Variants in ARHGAP9 observed in about 807,000 individuals in gnomAD.
ARHGAP9 encodes the protein rho GTPase-activating protein 9.
ARHGAP9 carries 76 observed loss-of-function variants against 87.3 expected under a neutral mutation model. The ratio of observed to expected loss-of-function variants is 0.87; its 90% confidence interval spans 0.72 to 1.05. The LOEUF (loss-of-function observed/expected upper bound fraction) is 1.05. ARHGAP9 is among the 50% of genes least tolerant of loss of function. ARHGAP9 has a pLI of 0.00. For missense variants in ARHGAP9, 941 were observed against 960.5 expected (o/e 0.98, Z 0.27); for synonymous variants, 382 against 394.9 (o/e 0.97, Z 0.39).
chr12:57,483,500 T>A (rs1162128506), upstream of ARHGAP9, among the ~76,000 whole-genome samples: 1 of 152,206 alleles, frequency 6.6e-6, no homozygotes, highest in Non-Finnish European at 1.5e-5. Context: ...CTCTCCTGAC[T>A]TAGACTTTCC....
In ARHGAP9 at chr12:57,477,607, G is replaced by T. The variant is rs745986363; in HGVS notation, c.608C>A (p.Ser203Tyr). 2.5e-6 allele frequency: 4 copies of T among 1,613,198 alleles called. No homozygotes were observed. The African/African-American group carries it at 5.3e-5, about 22-fold the overall frequency. The change falls in exon 4 of 18, where the codon TCC becomes TAC. Residue 203 changes from serine (S) to tyrosine (Y), a missense_variant. Physicochemically the swap from Ser to Tyr is moderately radical, Grantham distance 144 (BLOSUM62 -2). Transcript: ENST00000393791. ...GGGGCATGCAGGGCCTGGGGGTGGG[G>T]ACCGAGGACAGCGGCGAAGGTCCAC... ...NLVDLRRCPR[S>Y]PPPGPACPLL...
upstream of ARHGAP9, among the ~76,000 whole-genome samples, chr12:57,483,273 C>A (rs1875161778): frequency 6.6e-6 from 1 of 152,176 alleles, no homozygotes; most frequent in Non-Finnish European, 1.5e-5. Context: ...TTCCTCGCCA[C>A]CCACATTGAT....
chr12:57,487,864 A>G, intron 1 of ARHGAP9: 1 of 476,672 alleles, frequency 2.1e-6, no homozygotes, highest in Non-Finnish European at 3.8e-6. Context: ...AAAAAAAAAA[A>G]AAAAAAAAAA....
At chr12:57,482,440 C>T (rs1239443103), upstream of ARHGAP9, among the ~76,000 whole-genome samples, 2 of 152,078 alleles carry the variant, frequency 1.3e-5, no homozygotes, top group Admixed American at 6.6e-5. Context: ...CGGGGTTTCA[C>T]TGTGTTAGCC....
intron 17 of ARHGAP9, 44 bp from the exon 18 acceptor site, chr12:57,472,732 C>T (rs1220160577): frequency 6.9e-6 from 11 of 1,599,778 alleles, no homozygotes; most frequent in Non-Finnish European, 8.6e-6. Context: ...CAGCAGCTTG[C>T]CACTTCATAG....
intron 2 of ARHGAP9, 26 bp from the exon 3 acceptor site, chr12:57,478,783 G>A (rs997507594): frequency 6.3e-7 from 1 of 1,586,096 alleles, no homozygotes; most frequent in Admixed American, 1.8e-5. Context: ...GGGAGGGTGG[G>A]TGGCAGGTGA....
At chr12:57,480,749 TA>T (rs1184189753), upstream of ARHGAP9, 4 of 1,547,580 alleles carry the variant, frequency 2.6e-6, no homozygotes, top group African/African-American at 5.5e-5. Context: ...ACCAGCACTT[TA>T]AAACCCACAC....
chr12:57,483,565 CA>C, upstream of ARHGAP9, among the ~76,000 whole-genome samples: 1 of 152,320 alleles, frequency 6.6e-6, no homozygotes. Context: ...CAGTCTCCAC[CA>C]CAAACTCCAC....
rs111434091 is a variant in ARHGAP9 at position 57,472,473 on chromosome 12, C to T, written c.*44G>A. On this transcript the variant is annotated 3_prime_UTR_variant, in exon 18 of 18. Coordinates refer to ENST00000393791, the MANE Select transcript of ARHGAP9 (RefSeq NM_032496.4). Reference sequence around the variant, plus strand: ...AAAACAGAACACCAGCCTCTCACCACCAGAGATGACCGGAAATATGTTTTC... The same window carrying T: ...AAAACAGAACACCAGCCTCTCACCATCAGAGATGACCGGAAATATGTTTTC... The T allele has an allele frequency of 4.4e-6, 7 of 1,598,472 alleles. No homozygotes were observed. Among genetic ancestry groups the T allele is most frequent in the Non-Finnish European group, 6.0e-6 (7 of 1,171,514 alleles).
At chr12:57,487,101 C>T (rs558705679) in intron 1 of ARHGAP9, among the ~76,000 whole-genome samples, 5 of 151,726 alleles carry the variant, frequency 3.3e-5, no homozygotes, top group African/African-American at 9.7e-5. Flanking sequence ...CCTCAGTCTC[C>T]CGGGTAGCTG....
At chr12:57,478,061 C>G in intron 3 of ARHGAP9, 1 of 782,820 alleles carries the variant, frequency 1.3e-6, no homozygotes, top group Non-Finnish European at 1.7e-6. Flanking sequence ...AGAGGAGCCC[C>G]TTTCCACCCA....
rs142371581 is a variant in ARHGAP9 at position 57,478,754 on chromosome 12, G to A, written c.320C>T (p.Pro107Leu). Reference sequence around the variant, plus strand: ...CTCCAGGGAACCATGAAACAACTTCGGCCCTGGAAACAGAAAAGGGGAGGG... The same window carrying A: ...CTCCAGGGAACCATGAAACAACTTCAGCCCTGGAAACAGAAAAGGGGAGGG... ...IPGQLLWTPG[P>L]KLFHGSLEEL... The change falls in exon 3 of 18, where the codon CCG (proline) becomes CTG (leucine). Residue 107 changes from proline (P) to leucine (L), a missense_variant. By Grantham distance (98) the Pro-to-Leu change is moderately conservative. Coordinates refer to ENST00000393791, the MANE Select transcript of ARHGAP9 (RefSeq NM_032496.4). The A allele has an allele frequency of 3.4e-4, 549 of 1,605,422 alleles. 1 individual carries two copies. The highest frequency in any genetic ancestry group is 1.1e-3 in the Admixed American group (66 of 59,036).
intron 1 of ARHGAP9, chr12:57,487,178 T>A (rs1243723747): frequency 6.6e-6 from 1 of 151,778 alleles, no homozygotes. Context: ...GGTTTCAGCA[T>A]GTTGGCCAGG....
chr12:57,476,317 C>T, intron 8 of ARHGAP9, 47 bp downstream of exon 8: 1 of 1,595,614 alleles, frequency 6.3e-7, no homozygotes, highest in Non-Finnish European at 8.6e-7. Flanking sequence ...TGGCGTGAGG[C>T]GGTAGGCAGC....
chr12:57,485,559 A>G (rs1052725116), intron 1 of ARHGAP9, among the ~76,000 whole-genome samples: 2 of 150,308 alleles, frequency 1.3e-5, no homozygotes, highest in African/African-American at 2.4e-5. Context: ...TCCATCTGAA[A>G]AAAAAAAAAA....
At chr12:57,484,228 T>C (rs1875236546), upstream of ARHGAP9, among the ~76,000 whole-genome samples, 3 of 151,108 alleles carry the variant, frequency 2.0e-5, no homozygotes, top group African/African-American at 7.3e-5. Context: ...GGTGGGCGCC[T>C]GTAATCCCAG....
intron 17 of ARHGAP9, 83 bp from the exon 18 acceptor site, chr12:57,472,771 G>T: frequency 6.9e-7 from 1 of 1,446,864 alleles, no homozygotes; most frequent in Non-Finnish European, 9.6e-7. Context: ...AAAGTTCTGA[G>T]CAGGGAAGAG....
In ARHGAP9 at chr12:57,474,269, G is replaced by T. The variant is rs1594763867; in HGVS notation, c.1784-93C>A. 3.2e-6 allele frequency: 5 copies of T among 1,583,384 alleles called. No homozygotes were observed. The African/African-American group carries it at 5.4e-5, about 17-fold the overall frequency. On this transcript the variant is annotated intron_variant, in intron 15 of 17. Coordinates refer to ENST00000393791, the MANE Select transcript of ARHGAP9 (RefSeq NM_032496.4). ...GTTCTGGAGAAATCCAGTCAAAGCA[G>T]ACTATAGGAATGCCTAGAGGGTCTG... is the stretch of plus-strand genomic sequence containing the variant.
In ARHGAP9 at chr12:57,476,351, C is replaced by A; in HGVS notation, c.1116+13G>T. 1 of 1,613,160 alleles carries A rather than the reference C, an allele frequency of 6.2e-7. No individual in the cohort carries two copies. Among genetic ancestry groups the A allele is most frequent in the South Asian group, 1.1e-5 (1 of 91,026 alleles). ...GCGCCCGCACCCATCCTGCGCCTCT[C>A]GCTCACACTCACCCAGCCTGAGGAG... On this transcript the variant is annotated intron_variant, in intron 8 of 17. Transcript: ENST00000393791.
Sources: allele counts gnomAD v4.1 joint callset (sites outside exome capture counted in the v4.1 genomes callset), GRCh38; gene constraint gnomAD v4.1.1; transcripts MANE v1.5; gene names NCBI Gene and HGNC (gene_info 2026-07-23, HGNC 2026-07-21).